The following ABCC4 variants were observed in gnomAD, a reference collection of about 807,000 sequenced individuals.
ABCC4 encodes ATP binding cassette subfamily C member 4 (PEL blood group), also known as ATP-binding cassette sub-family C member 4.
In ABCC4, 102 loss-of-function variants were observed where a neutral mutation model predicts 168.5. The ratio of observed to expected loss-of-function variants is 0.61; its 90% CI spans 0.52 to 0.71. ABCC4 has a LOEUF of 0.71. Ranked by LOEUF, ABCC4 falls within the 30% of genes least tolerant of loss-of-function variation. The pLI is 0.00. For synonymous variants in ABCC4, 617 were observed against 590.7 expected (o/e 1.04, Z -0.65); for missense variants, 1,402 against 1,605.8 (o/e 0.87, Z 2.17).
intron 8 of ABCC4, among the ~76,000 whole-genome samples, chr13:95,202,332 C>T (rs1186036773): frequency 2.0e-5 from 3 of 152,180 alleles, no homozygotes; most frequent in African/African-American, 7.2e-5. Context: ...AATCAATCTA[C>T]CAATCTCTCT....
At chr13:95,073,575 G>A (rs2033802822) in intron 23 of ABCC4, 2 of 266,958 alleles carry the variant, frequency 7.5e-6, no homozygotes, top group African/African-American at 2.2e-5. Flanking sequence ...AAGAAATAAT[G>A]TCATTATTCA....
chr13:95,157,459 T>C (rs562060377), intron 19 of ABCC4, among the ~76,000 whole-genome samples: 3 of 150,770 alleles, frequency 2.0e-5, no homozygotes, highest in East Asian at 3.9e-4. Flanking sequence ...ATCATGCCAC[T>C]GCACTCGACT....
chr13:95,248,506 TA>T (rs11428063), intron 1 of ABCC4, among the ~76,000 whole-genome samples: 42 of 150,874 alleles, frequency 2.8e-4, no homozygotes, highest in Middle Eastern at 3.4e-3. Context: ...TTCTTTTTAC[TA>T]AAAAAAAAGA....
At chr13:95,241,628 T>C (rs4258481) in intron 3 of ABCC4, among the ~76,000 whole-genome samples, 81,801 of 151,774 alleles carry the variant, frequency 0.54, 22,781 homozygotes, top group African/African-American at 0.66. Flanking sequence ...GCTGGAAATT[T>C]GCGGGCTGTT....
In ABCC4 at chr13:95,166,247, G is replaced by T. The variant is rs767551453; in HGVS notation, c.1945C>A (p.Leu649Ile). 1 of 1,614,048 alleles carries T rather than the reference G, an allele frequency of 6.2e-7. No individual in the cohort carries two copies. The highest frequency in any genetic ancestry group is 1.1e-5 in the South Asian group (1 of 91,088). The change falls in exon 15 of 31, where the codon CTA becomes ATA. Residue 649 changes from leucine to isoleucine, a missense_variant. Leu to Ile is a conservative substitution (Grantham distance 5). Coordinates refer to ENST00000645237, the MANE Select transcript of ABCC4 (RefSeq NM_005845.5). ...EQPPVPGTPT[L>I]RNRTFSESSV... is the part of the protein sequence containing the mutation. ...GACTCTGAGAAGGTACGATTCCTTAGTGTGGGAGTTCCTGGAACTGGAGGT... is the reference window on the plus strand; with the variant it reads ...GACTCTGAGAAGGTACGATTCCTTATTGTGGGAGTTCCTGGAACTGGAGGT...
chr13:95,287,265 C>G (rs559886029), intron 1 of ABCC4, among the ~76,000 whole-genome samples: 1 of 151,602 alleles, frequency 6.6e-6, no homozygotes, highest in Non-Finnish European at 1.5e-5. Flanking sequence ...GCACTCCAGC[C>G]TGGGCAACAG....
At chr13:95,158,681 A>G (rs368474442) in intron 19 of ABCC4, among the ~76,000 whole-genome samples, 1 of 152,164 alleles carries the variant, frequency 6.6e-6, no homozygotes, top group African/African-American at 2.4e-5. Flanking sequence ...GCACAACATC[A>G]TGCCAGATAC....
chr13:95,280,416 CAA>C lies in ABCC4; in HGVS notation c.74+20823_74+20824del, dbSNP rs10708482. ...TGGGTGACAGAGTGAGACTCCATCT[CAA>C]AAAAAAAAAAAAAAAAGGCCTAAGG... is the stretch of plus-strand genomic sequence containing the variant. On this transcript the variant is annotated intron_variant, in intron 1 of 30. Coordinates refer to ENST00000645237, the MANE Select transcript of ABCC4 (RefSeq NM_005845.5). 2.5e-3 allele frequency among the ~76,000 whole-genome samples: 223 copies of C among 90,438 alleles called. 1 individual carries two copies. Among genetic ancestry groups the C allele is most frequent in the East Asian group, 0.016 (49 of 3,144 alleles). 59.3% of individuals were successfully genotyped at this position (90,438 alleles called of 152,430 possible).
chr13:95,181,454 C>G (rs2037887638), intron 11 of ABCC4, among the ~76,000 whole-genome samples: 1 of 152,242 alleles, frequency 6.6e-6, no homozygotes, highest in African/African-American at 2.4e-5. Context: ...TTCTATGAAA[C>G]TAACCTGCAG....
chr13:95,164,248 T>C, intron 16 of ABCC4, 130 bp downstream of exon 16: 1 of 1,156,010 alleles, frequency 8.7e-7, no homozygotes, highest in East Asian at 2.4e-5. Flanking sequence ...TAGGCAGCCC[T>C]CACTTTGTTC....
chr13:95,062,573 T>A (rs1197197623), intron 26 of ABCC4, 131 bp downstream of exon 26: 1 of 812,356 alleles, frequency 1.2e-6, no homozygotes, highest in Non-Finnish European at 1.9e-6. Flanking sequence ...TATCTGCTCA[T>A]AAAAACATGC....
chr13:95,236,927 G>A (rs1181778774), intron 3 of ABCC4, among the ~76,000 whole-genome samples: 1 of 152,178 alleles, frequency 6.6e-6, no homozygotes, highest in Non-Finnish European at 1.5e-5. Flanking sequence ...GGGCAGCCCT[G>A]GCTCAGGAGT....
chr13:95,166,694 T>C (rs1313523905), intron 14 of ABCC4, among the ~76,000 whole-genome samples: 1 of 152,184 alleles, frequency 6.6e-6, no homozygotes, highest in Non-Finnish European at 1.5e-5. Flanking sequence ...GCAATAAGAA[T>C]TGAAGGAATG....
At chr13:95,024,431 T>A (rs1460757518) in intron 30 of ABCC4, among the ~76,000 whole-genome samples, 2 of 152,090 alleles carry the variant, frequency 1.3e-5, no homozygotes, top group East Asian at 3.9e-4. Flanking sequence ...GTTCCTCTAA[T>A]GTAGGTTGAA....
At chr13:95,301,209 C>T (rs780220135) in intron 1 of ABCC4, 32 bp downstream of exon 1, 2 of 1,564,970 alleles carry the variant, frequency 1.3e-6, no homozygotes, top group Non-Finnish European at 1.7e-6. Context: ...CCAGCGGCTG[C>T]AGGGTGACCT....
intron 30 of ABCC4, among the ~76,000 whole-genome samples, chr13:95,024,858 A>G (rs1333502670): frequency 6.6e-6 from 1 of 152,134 alleles, no homozygotes; most frequent in Non-Finnish European, 1.5e-5. Flanking sequence ...TTAATAAAAA[A>G]TAAGCTAAAT....
At chr13:95,049,512 G>A (rs1052884849) in intron 27 of ABCC4, among the ~76,000 whole-genome samples, 3 of 151,116 alleles carry the variant, frequency 2.0e-5, no homozygotes, top group African/African-American at 7.3e-5. Flanking sequence ...ATGGTGGCAG[G>A]CACCTGTAAT....
At chr13:95,142,932 T>C (rs148419063) in intron 19 of ABCC4, among the ~76,000 whole-genome samples, 119 of 152,254 alleles carry the variant, frequency 7.8e-4, no homozygotes, top group Non-Finnish European at 1.5e-3. Flanking sequence ...AGGAATAAAA[T>C]GGATGATAGA....
At chr13:95,083,673 C>G (rs2034172148) in intron 20 of ABCC4, among the ~76,000 whole-genome samples, 1 of 151,926 alleles carries the variant, frequency 6.6e-6, no homozygotes, top group Non-Finnish European at 1.5e-5. Context: ...ACTACAGGTG[C>G]ATGTCACCAT....
Sources: allele counts gnomAD v4.1 joint callset (sites outside exome capture counted in the v4.1 genomes callset), GRCh38; gene constraint gnomAD v4.1.1; transcripts MANE v1.5; gene names NCBI Gene and HGNC (gene_info 2026-07-23, HGNC 2026-07-21).